PNKD: variants seen among roughly 807,000 people sequenced by gnomAD.
The protein encoded by PNKD is probable thioesterase PNKD.
A neutral mutation model predicts 45.3 loss-of-function variants in PNKD; 36 were observed. The observed-to-expected ratio is 0.80, with a 90% confidence interval of 0.61 to 1.05. The LOEUF is 1.05. Among genes scored for constraint, PNKD ranks in the 50% least tolerant of loss-of-function variants. PNKD has a pLI of 0.00. For synonymous variants in PNKD, 197 were observed against 210.1 expected, an observed-to-expected ratio of 0.94 and a Z score of 0.54; for missense variants, 511 against 506.6, an observed-to-expected ratio of 1.01 and a Z score of -0.08.
intron 2 of PNKD, among the ~76,000 whole-genome samples, chr2:218,317,365 A>G (rs1243819204): frequency 6.6e-6 from 1 of 152,204 alleles, no homozygotes; most frequent in Non-Finnish European, 1.5e-5. Context: ...CTGCTGTGCT[A>G]TGATGTTGAA....
intron 2 of PNKD, chr2:218,276,980 C>G: frequency 1.3e-6 from 2 of 1,591,746 alleles, no homozygotes; most frequent in Non-Finnish European, 8.6e-7. Context: ...GGTTCCCTGA[C>G]CCCAGCTCTC....
chr2:218,295,971 A>G lies in PNKD; in HGVS notation c.236+24422A>G, dbSNP rs1210300245. ...AGCCATCCTCCCACCTCAGCCTCTC[A>G]AGTAGCTGGGACTACAGACATGAGC... On this transcript the variant is annotated intron_variant, in intron 2 of 9. Transcript: ENST00000273077. Among the ~76,000 whole-genome samples the G allele has an allele frequency of 3.3e-5, 5 of 151,542 alleles. No homozygotes were observed. In the East Asian group the frequency reaches 9.7e-4, roughly 29 times the overall value.
chr2:218,285,438 G>C (rs1353966272), intron 2 of PNKD, among the ~76,000 whole-genome samples: 1 of 152,134 alleles, frequency 6.6e-6, no homozygotes, highest in African/African-American at 2.4e-5. Context: ...GCCTCAACAG[G>C]AGGCTGACAC....
chr2:218,343,511 G>A lies in PNKD; in HGVS notation c.793G>A (p.Glu265Lys). 2.5e-6 allele frequency: 4 copies of A among 1,613,520 alleles called. No individual in the cohort carries two copies. The highest frequency in any genetic ancestry group is 3.4e-6 in the Non-Finnish European group (4 of 1,179,748). The part of the protein sequence containing the change: ...LFLSGCGRTF[E>K]GNAETMLSSL... ...CAACCCCCACCCAGGGCGGACCTTT[G>A]AGGGCAATGCAGAGACCATGCTGAG... The change falls in exon 8 of 10, where the codon GAG becomes AAG. Residue 265 changes from glutamate (E) to lysine (K), a missense_variant. Coordinates refer to ENST00000273077, the MANE Select transcript of PNKD (RefSeq NM_015488.5).
At position 218,307,579 on chromosome 2, in the gene PNKD, G is replaced by A. The variant is rs370114162; in HGVS notation, c.237-32204G>A. On this transcript the variant is annotated intron_variant, in intron 2 of 9. Transcript: ENST00000273077. ...GCTCAGAGGGTAATGCAAGCAATGT[G>A]GAGCAGCTGTAAATACAGGTAAAGC... Among the ~76,000 whole-genome samples the A allele has an allele frequency of 2.0e-5, 3 of 152,308 alleles. No individual in the cohort carries two copies. In the East Asian group the frequency reaches 5.8e-4, roughly 29 times the overall value.
rs1694795034 is a variant in PNKD, at chr2:218,345,054, C to T, written c.*73C>T. The T allele has an allele frequency of 2.5e-6, 3 of 1,199,790 alleles. No homozygotes were observed. Among genetic ancestry groups the T allele is most frequent in the Non-Finnish European group, 2.4e-6 (2 of 839,492 alleles). The allele number at this position is 1,199,790 out of a possible 1,614,324, so 74.3% of individuals were successfully genotyped here. A position where few individuals can be genotyped will look rare whatever the true frequency, so the allele number is the denominator to read the frequency against. ...CCACCACCAACACCTCATCATCCTTCTCATCGCTAACACCACCACCTCCAT... is the reference window on the plus strand; with the variant it reads ...CCACCACCAACACCTCATCATCCTTTTCATCGCTAACACCACCACCTCCAT... On this transcript the variant is annotated 3_prime_UTR_variant, in exon 10 of 10. Coordinates refer to ENST00000273077, the MANE Select transcript of PNKD (RefSeq NM_015488.5).
chr2:218,329,076 A>C (rs1339557149), intron 2 of PNKD, among the ~76,000 whole-genome samples: 1 of 152,072 alleles, frequency 6.6e-6, no homozygotes, highest in Non-Finnish European at 1.5e-5. Flanking sequence ...GGGCATGGTC[A>C]CGCACCCCTG....
At chr2:218,318,853 G>A (rs1356038380) in intron 2 of PNKD, among the ~76,000 whole-genome samples, 1 of 151,556 alleles carries the variant, frequency 6.6e-6, no homozygotes, top group Non-Finnish European at 1.5e-5. Flanking sequence ...GTGAGGAGGT[G>A]GTGAGCAAAG....
chr2:218,279,622 T>C (rs929479517), intron 2 of PNKD: 10 of 496,674 alleles, frequency 2.0e-5, no homozygotes, highest in Admixed American at 3.7e-5. Flanking sequence ...TCTACCAGTA[T>C]GGCCTCTGCA....
Position 218,344,468 on chromosome 2 carries a change from AGAG to A in PNKD, c.886_888del (p.Glu296del), listed in dbSNP as rs764232852. On this transcript the variant is annotated inframe_deletion, in exon 9 of 10. Coordinates refer to ENST00000273077, the MANE Select transcript of PNKD (RefSeq NM_015488.5). ...GGCTGTCGGTAGGTCATGAGTATGC[AGAG>A]GAGAACCTGGGCTTTGCAGGTGTGG... The A allele has an allele frequency of 6.3e-7, 1 of 1,580,278 alleles. No individual in the cohort carries two copies. Among genetic ancestry groups the A allele is most frequent in the East Asian group, 2.3e-5 (1 of 43,476 alleles).
chr2:218,334,812 C>T lies in PNKD; in HGVS notation c.237-4971C>T, dbSNP rs79464361. 1.5e-3 allele frequency: 1,047 copies of T among 693,946 alleles called. 11 individuals are homozygous for T. The African/African-American group carries it at 0.016, about 11-fold the overall frequency. The allele number at this position is 693,946 out of a possible 1,614,324, so 43.0% of individuals were successfully genotyped here. A position where few individuals can be genotyped will look rare whatever the true frequency, so the allele number is the denominator to read the frequency against. Reference sequence around the variant, plus strand: ...GGTGGAGTTAGCCAGGTTTCTATGGCCTTTATAATTAGTGGTTATTTTGTG... The same window carrying T: ...GGTGGAGTTAGCCAGGTTTCTATGGTCTTTATAATTAGTGGTTATTTTGTG... On this transcript the variant is annotated intron_variant, in intron 2 of 9. Coordinates refer to ENST00000273077, the MANE Select transcript of PNKD (RefSeq NM_015488.5).
chr2:218,332,377 A>C (rs774590447), intron 2 of PNKD, among the ~76,000 whole-genome samples: 2 of 152,100 alleles, frequency 1.3e-5, no homozygotes, highest in Non-Finnish European at 1.5e-5. Context: ...GAAAGAGAAG[A>C]AGCAGGATGG....
intron 2 of PNKD, among the ~76,000 whole-genome samples, chr2:218,294,463 A>G (rs1440551153): frequency 6.6e-6 from 1 of 152,326 alleles, no homozygotes; most frequent in South Asian, 2.1e-4. Context: ...CATATGGCCA[A>G]GGAAGGAACA....
chr2:218,275,323 A>C, intron 2 of PNKD: 1 of 1,048,856 alleles, frequency 9.5e-7, no homozygotes, highest in Non-Finnish European at 1.3e-6. Context: ...ATCCATAGCC[A>C]GAGAGGCCAC....
intron 2 of PNKD, among the ~76,000 whole-genome samples, chr2:218,312,396 G>T (rs1574687474): frequency 6.6e-6 from 1 of 151,956 alleles, no homozygotes; most frequent in African/African-American, 2.4e-5. Flanking sequence ...AGCTTGGCTG[G>T]CAATGTGTGG....
intron 2 of PNKD, among the ~76,000 whole-genome samples, chr2:218,273,631 C>G (rs1690951979): frequency 6.7e-6 from 1 of 150,280 alleles, no homozygotes. Flanking sequence ...CAGGCACTCA[C>G]CGCCACTCCC....
intron 2 of PNKD, chr2:218,277,903 T>A (rs1691405931): frequency 6.2e-7 from 1 of 1,613,938 alleles, no homozygotes. Flanking sequence ...TCACAGCATC[T>A]CCACACCCTC....
At chr2:218,344,641 G>GCGAGA in intron 9 of PNKD, 71 bp downstream of exon 9, 2 of 1,450,182 alleles carry the variant, frequency 1.4e-6, no homozygotes, top group Non-Finnish European at 1.9e-6. Context: ...CATCCATGCT[G>GCGAGA]ACCCCAGGCC....
intron 2 of PNKD, among the ~76,000 whole-genome samples, chr2:218,314,468 C>T (rs915568127): frequency 2.0e-5 from 3 of 151,684 alleles, no homozygotes; most frequent in Admixed American, 6.6e-5. Flanking sequence ...AGCGATCCTC[C>T]CACCTTGGCC....
Sources: allele counts gnomAD v4.1 joint callset (sites outside exome capture counted in the v4.1 genomes callset), GRCh38; gene constraint gnomAD v4.1.1; transcripts MANE v1.5; gene names NCBI Gene and HGNC (gene_info 2026-07-23, HGNC 2026-07-21).